The following AMBRA1 variants were observed in gnomAD, a reference collection of about 807,000 sequenced individuals.
AMBRA1 encodes autophagy and beclin 1 regulator 1, also known as activating molecule in BECN1-regulated autophagy protein 1.
Under a neutral mutation model 125.4 loss-of-function variants are expected in AMBRA1, and 47 were observed. The observed-to-expected ratio is 0.37, with a 90% CI of 0.30 to 0.48. The LOEUF is 0.48. Ranked by LOEUF, AMBRA1 falls within the 20% of genes least tolerant of loss-of-function variation. AMBRA1 has a pLI of 0.99. For synonymous variants in AMBRA1, 626 were observed against 655.5 expected, an observed-to-expected ratio of 0.95 and a Z score of 0.69; for missense variants, 1,331 against 1,693.4, an observed-to-expected ratio of 0.79 and a Z score of 3.76.
At chr11:46,454,218 G>A (rs138646165) in intron 11 of AMBRA1, among the ~76,000 whole-genome samples, 2,503 of 151,790 alleles carry the variant, frequency 0.016, 47 homozygotes, top group Admixed American at 0.056. Context: ...TTTTAGAGAC[G>A]GGGTCTTGCT....
intron 11 of AMBRA1, among the ~76,000 whole-genome samples, chr11:46,487,558 C>A (rs1019527075): frequency 6.6e-6 from 1 of 151,606 alleles, no homozygotes; most frequent in Non-Finnish European, 1.5e-5. Context: ...TATAACAGCA[C>A]AAAAGAGGTA....
At chr11:46,590,581 G>T (rs1366451188) in intron 1 of AMBRA1, among the ~76,000 whole-genome samples, 3 of 151,942 alleles carry the variant, frequency 2.0e-5, no homozygotes, top group Non-Finnish European at 4.4e-5. Flanking sequence ...TCCAGCTTAA[G>T]TTCTAGAAGT....
Position 46,397,591 on chromosome 11 carries a change from G to A in AMBRA1, c.3756C>T (p.Ser1252=). ...EPTQPTLPSS[S]PVPIPVSLPS... ...GAAGGGAAACAGGAATGGGGACAGG[G>A]GAGGAAGAGGGCAGGGTTGGCTGGG... is the stretch of plus-strand genomic sequence containing the variant. The change falls in exon 18 of 18, where the codon TCC becomes TCT. Residue 1252 remains serine, a synonymous_variant. Transcript: ENST00000683756. 1.2e-6 allele frequency: 2 copies of A among 1,602,712 alleles called. No individual in the cohort carries two copies. Among genetic ancestry groups the A allele is most frequent in the Non-Finnish European group, 1.7e-6 (2 of 1,173,408 alleles).
chr11:46,497,497 T>A (rs1360932216), intron 9 of AMBRA1, among the ~76,000 whole-genome samples: 1 of 152,142 alleles, frequency 6.6e-6, no homozygotes, highest in African/African-American at 2.4e-5. Flanking sequence ...AAATTCCAAG[T>A]GTTGAGAACT....
In AMBRA1 at chr11:46,396,889, T is replaced by C. The variant is rs1275303297; in HGVS notation, c.*561A>G. On this transcript the variant is annotated 3_prime_UTR_variant, in exon 18 of 18. Transcript: ENST00000683756. ...CCCACAGTAGTCCCCCATTAGTAAA[T>C]GCCGAAGTCCCTGTCCTCAAGAATC... is the stretch of plus-strand genomic sequence containing the variant. 1.3e-5 allele frequency: 2 copies of C among 152,654 alleles called. No individual in the cohort carries two copies. Among genetic ancestry groups the C allele is most frequent in the Non-Finnish European group, 2.9e-5 (2 of 68,210 alleles). 9.5% of individuals were successfully genotyped at this position (152,654 alleles called of 1,614,324 possible). A position where few individuals can be genotyped will look rare whatever the true frequency, so the allele number is the denominator to read the frequency against.
chr11:46,497,055 G>A (rs1312749291), intron 9 of AMBRA1, among the ~76,000 whole-genome samples: 3 of 151,930 alleles, frequency 2.0e-5, no homozygotes, highest in African/African-American at 7.3e-5. Context: ...AGGTTGCAGT[G>A]AGCCAAGAGT....
intron 15 of AMBRA1, among the ~76,000 whole-genome samples, chr11:46,415,325 T>G (rs967911006): frequency 6.6e-6 from 1 of 152,250 alleles, no homozygotes; most frequent in Non-Finnish European, 1.5e-5. Flanking sequence ...CAACACAATC[T>G]AAAGCTGCAT....
At chr11:46,450,016 G>A (rs560609155) in intron 11 of AMBRA1, among the ~76,000 whole-genome samples, 243 of 147,816 alleles carry the variant, frequency 1.6e-3, no homozygotes, top group South Asian at 0.011. Context: ...TCGAGATCAC[G>A]CCACTGCACT....
At chr11:46,578,666 G>A (rs1241903524) in intron 1 of AMBRA1, among the ~76,000 whole-genome samples, 1 of 150,934 alleles carries the variant, frequency 6.6e-6, no homozygotes, top group African/African-American at 2.4e-5. Context: ...GGCGGATCAC[G>A]AGGTCAGGAG....
At position 46,543,040 on chromosome 11, in the gene AMBRA1, T is replaced by G. The variant is rs766245855; in HGVS notation, c.977A>C (p.Gln326Pro). The G allele has an allele frequency of 1.0e-5, 16 of 1,599,136 alleles. No homozygotes were observed. The South Asian group carries it at 1.6e-4, about 16-fold the overall frequency. Residue 326 changes from glutamine (Q) to proline (P), a missense_variant, in exon 7 of 18, where the codon CAG (glutamine) becomes CCG (proline). Gln to Pro is a moderately conservative substitution (Grantham distance 76). Transcript: ENST00000683756. ...GGCAGAAGCAGGGGGGACACTGTCC[T>G]GGTGTGGCAAGAGGGAAGGAACTCG... ...GTRVPSLLPHQDSVPPASARA... is the reference protein window; with the variant it reads ...GTRVPSLLPHPDSVPPASARA...
At position 46,529,753 on chromosome 11, in the gene AMBRA1, AC is replaced by A. The variant is rs200309915; in HGVS notation, c.2072+12191del. 3.1e-3 allele frequency among the ~76,000 whole-genome samples: 478 copies of A among 152,296 alleles called. 2 individuals are homozygous for A. The highest frequency in any genetic ancestry group is 9.0e-3 in the African/African-American group (375 of 41,544). On this transcript the variant is annotated intron_variant, in intron 7 of 17. Coordinates refer to ENST00000683756, the MANE Select transcript of AMBRA1 (RefSeq NM_001387011.1). ...ATACCCGAATTGATATGGAAAAAAA[AC>A]ATCCAAATTTTTAGAAACACTGTGA...
chr11:46,465,174 C>T (rs1382222398), intron 11 of AMBRA1, among the ~76,000 whole-genome samples: 2 of 152,180 alleles, frequency 1.3e-5, no homozygotes, highest in African/African-American at 2.4e-5. Flanking sequence ...ATTATTCAAA[C>T]CGATCCAATC....
chr11:46,399,882 A>T (rs1468349664), intron 17 of AMBRA1, among the ~76,000 whole-genome samples: 1 of 152,018 alleles, frequency 6.6e-6, no homozygotes, highest in Non-Finnish European at 1.5e-5. Flanking sequence ...GAAATGCCTG[A>T]GCATTCCCTT....
chr11:46,574,160 T>C (rs2043870293), intron 1 of AMBRA1, among the ~76,000 whole-genome samples: 1 of 144,916 alleles, frequency 6.9e-6, no homozygotes, highest in Non-Finnish European at 1.5e-5. Flanking sequence ...GCATGATTTA[T>C]AGTCCTTTGG....
At chr11:46,423,725 CAG>C (rs1055083422) in intron 14 of AMBRA1, among the ~76,000 whole-genome samples, 5 of 147,818 alleles carry the variant, frequency 3.4e-5, no homozygotes, top group African/African-American at 7.5e-5. Context: ...ACTGTTCTGA[CAG>C]AGCAGGACTA....
intron 12 of AMBRA1, among the ~76,000 whole-genome samples, chr11:46,439,029 G>A (rs1485351448): frequency 2.0e-5 from 3 of 152,118 alleles, no homozygotes; most frequent in Non-Finnish European, 4.4e-5. Flanking sequence ...CCAGTACTAC[G>A]GGAGGCCAAG....
chr11:46,458,811 A>C (rs1459517207), intron 11 of AMBRA1, among the ~76,000 whole-genome samples: 1 of 152,178 alleles, frequency 6.6e-6, no homozygotes, highest in Non-Finnish European at 1.5e-5. Flanking sequence ...ATTCCCATCC[A>C]TAAACATGAA....
chr11:46,462,412 C>T (rs948628605), intron 11 of AMBRA1, among the ~76,000 whole-genome samples: 1 of 152,202 alleles, frequency 6.6e-6, no homozygotes, highest in Non-Finnish European at 1.5e-5. Flanking sequence ...CTCCTCACGT[C>T]TGTCTTCAAT....
chr11:46,575,487 C>A (rs1204311361), intron 1 of AMBRA1, among the ~76,000 whole-genome samples: 2 of 142,002 alleles, frequency 1.4e-5, no homozygotes, highest in Non-Finnish European at 1.5e-5. Flanking sequence ...AGCTTATAAA[C>A]AACAGAAATT....
Sources: allele counts gnomAD v4.1 joint callset (sites outside exome capture counted in the v4.1 genomes callset), GRCh38; gene constraint gnomAD v4.1.1; transcripts MANE v1.5; gene names NCBI Gene and HGNC (gene_info 2026-07-23, HGNC 2026-07-21).